MTSS2: variants seen among roughly 807,000 people sequenced by gnomAD.
The protein encoded by MTSS2 is MTSS I-BAR domain containing 2, also known as protein MTSS 2.
Under a neutral mutation model 67.1 loss-of-function variants are expected in MTSS2, and 27 were observed. The observed-to-expected ratio is 0.40, with a 90% CI of 0.30 to 0.55. MTSS2 has a LOEUF of 0.55. Among genes scored for constraint, MTSS2 ranks in the 20% least tolerant of loss-of-function variants. The pLI, the probability that MTSS2 is intolerant of heterozygous loss-of-function variation, is 0.43. For missense variants in MTSS2, 1,171 were observed against 1,067.8 expected (o/e 1.10, Z -1.35); for synonymous variants, 624 against 468.6 (o/e 1.33, Z -4.28).
At chr16:70,681,984 G>C (rs1370812945) in intron 1 of MTSS2, among the ~76,000 whole-genome samples, 1 of 152,212 alleles carries the variant, frequency 6.6e-6, no homozygotes, top group Non-Finnish European at 1.5e-5. Context: ...GGGCGATGGA[G>C]GCTGGGGCTC....
chr16:70,684,444 G>A (rs957602270), intron 1 of MTSS2, among the ~76,000 whole-genome samples: 2 of 152,124 alleles, frequency 1.3e-5, no homozygotes, highest in African/African-American at 4.8e-5. Context: ...GCCTCTTCCG[G>A]GGGCAGAGAT....
intron 9 of MTSS2, among the ~76,000 whole-genome samples, 161 bp downstream of exon 9, chr16:70,677,631 C>T (rs1470796523): frequency 1.3e-5 from 2 of 152,200 alleles, no homozygotes; most frequent in Admixed American, 1.3e-4. Flanking sequence ...TGGGCAGGTG[C>T]TCCGGGATGG....
Position 70,664,641 on chromosome 16 carries a change from C to T in MTSS2, c.1428G>A (p.Gln476=), listed in dbSNP as rs1264035004. 1 of 1,613,336 alleles carries T rather than the reference C, an allele frequency of 6.2e-7. No homozygotes were observed. The highest frequency in any genetic ancestry group is 8.5e-7 in the Non-Finnish European group (1 of 1,179,926). The stretch of plus-strand genomic sequence containing the variant: ...CCTCAGAGCAGGAGGGCGTGGTGGT[C>T]TGCGTGCTGTAGCCGCTGGAGTACT... The part of the protein sequence containing the change: ...SLQYSSGYST[Q]TTTPSCSEDT... Residue 476 remains glutamine (Q), a synonymous_variant, in exon 14 of 15, where the codon CAG becomes CAA. Transcript: ENST00000338779.
intron 4 of MTSS2, 22 bp downstream of exon 4, chr16:70,679,949 C>A: frequency 2.0e-6 from 3 of 1,480,680 alleles, no homozygotes; most frequent in Non-Finnish European, 2.7e-6. Flanking sequence ...CGCCCCCCTG[C>A]CCGCCCGCAG....
rs932194075 is a variant in MTSS2 at position 70,662,614 on chromosome 16, T to C, written c.*1063A>G. ...GAGAGAACAGTAGCTTCCACCGGGCTCTGGGGGAGCCAAGTCCCTCCCTTC... is the reference window on the plus strand; with the variant it reads ...GAGAGAACAGTAGCTTCCACCGGGCCCTGGGGGAGCCAAGTCCCTCCCTTC... On this transcript the variant is annotated 3_prime_UTR_variant, in exon 15 of 15. Coordinates refer to ENST00000338779, the MANE Select transcript of MTSS2 (RefSeq NM_138383.3). 6.6e-6 allele frequency: 1 copy of C among 152,548 alleles called. No individual in the cohort carries two copies. The highest frequency in any genetic ancestry group is 2.4e-5 in the African/African-American group (1 of 41,386). The allele number at this position is 152,548 out of a possible 1,614,324, so 9.4% of individuals were successfully genotyped here.
At chr16:70,665,757 AC>A in intron 11 of MTSS2, 1 of 471,060 alleles carries the variant, frequency 2.1e-6, no homozygotes, top group Middle Eastern at 5.7e-4. Context: ...ACGCTGACCC[AC>A]CTGACAGCCC....
At chr16:70,665,409 G>C in intron 12 of MTSS2, 57 bp downstream of exon 12, 10 of 1,494,254 alleles carry the variant, frequency 6.7e-6, no homozygotes, top group Non-Finnish European at 9.0e-6. Context: ...AGGTGGGGAG[G>C]GCATGGATGG....
intron 11 of MTSS2, among the ~76,000 whole-genome samples, chr16:70,667,592 G>T (rs552497172): frequency 6.6e-6 from 1 of 152,128 alleles, no homozygotes; most frequent in African/African-American, 2.4e-5. Flanking sequence ...TACAGAACAA[G>T]CTGGGCATGG....
chr16:70,679,743 T>G, intron 5 of MTSS2, 39 bp from the exon 6 acceptor site: 1 of 1,610,028 alleles, frequency 6.2e-7, no homozygotes, highest in South Asian at 1.1e-5. Flanking sequence ...ATGGGGTCCC[T>G]GCGGAGTGGG....
intron 14 of MTSS2, 32 bp from the exon 15 acceptor site, chr16:70,664,481 C>T (rs1425239974): frequency 6.5e-7 from 1 of 1,540,156 alleles, no homozygotes; most frequent in Non-Finnish European, 8.8e-7. Context: ...AGGCCCAGGG[C>T]CCAGGTGGCC....
chr16:70,672,555 G>C (rs1353372198), intron 11 of MTSS2, among the ~76,000 whole-genome samples: 2 of 151,078 alleles, frequency 1.3e-5, no homozygotes, highest in Non-Finnish European at 2.9e-5. Context: ...ACACTGGGGA[G>C]ATTCTGGGAA....
chr16:70,680,876 A>C lies in MTSS2; in HGVS notation c.132-9T>G. 7.4e-7 allele frequency: 1 copy of C among 1,342,750 alleles called. No homozygotes were observed. The highest frequency in any genetic ancestry group is 1.0e-6 in the Non-Finnish European group (1 of 1,000,124). 83.2% of individuals were successfully genotyped at this position (1,342,750 alleles called of 1,614,324 possible). ...CAGCCAGCACGGTGGTCCTGGGGAG[A>C]GGGACAACGGCATGGATGGTCGGTG... On this transcript the variant is annotated splice_polypyrimidine_tract_variant and intron_variant, in intron 2 of 14. Coordinates refer to ENST00000338779, the MANE Select transcript of MTSS2 (RefSeq NM_138383.3).
At chr16:70,669,946 G>T (rs2052869172) in intron 11 of MTSS2, among the ~76,000 whole-genome samples, 1 of 151,928 alleles carries the variant, frequency 6.6e-6, no homozygotes, top group African/African-American at 2.4e-5. Context: ...AAAATGCCAA[G>T]CGCTGGTGAG....
At chr16:70,680,186 T>C (rs2053258281) in intron 3 of MTSS2, 131 bp from the exon 4 acceptor site, 3 of 363,676 alleles carry the variant, frequency 8.2e-6, no homozygotes. Flanking sequence ...CGAGCCGCAG[T>C]CCCGCCGGCC....
intron 9 of MTSS2, 80 bp from the exon 10 acceptor site, chr16:70,677,058 A>C: frequency 9.3e-7 from 1 of 1,071,556 alleles, no homozygotes; most frequent in Non-Finnish European, 1.4e-6. Context: ...CCACTCTCTA[A>C]TTGTGAACCA....
chr16:70,666,355 G>A lies in MTSS2; in HGVS notation c.1054-815C>T, dbSNP rs112037605. On this transcript the variant is annotated intron_variant, in intron 11 of 14. Coordinates refer to ENST00000338779, the MANE Select transcript of MTSS2 (RefSeq NM_138383.3). ...AGGGACACACCTGCTCTGGGCAGTGGGCTGGACTAGGTGTTCTGCGAGGCC... is the reference window on the plus strand; with the variant it reads ...AGGGACACACCTGCTCTGGGCAGTGAGCTGGACTAGGTGTTCTGCGAGGCC... Among the ~76,000 whole-genome samples, 36 of 152,296 alleles carry A rather than the reference G, an allele frequency of 2.4e-4. 2 individuals are homozygous for A. Among genetic ancestry groups the A allele is most frequent in the African/African-American group, 7.7e-4 (32 of 41,546 alleles).
In MTSS2 at chr16:70,685,931, C is replaced by T. The variant is rs1403730841; in HGVS notation, c.-140G>A. 4.2e-6 allele frequency: 1 copy of T among 239,780 alleles called. No homozygotes were observed. Among genetic ancestry groups the T allele is most frequent in the African/African-American group, 2.4e-5 (1 of 41,474 alleles). 14.9% of individuals were successfully genotyped at this position (239,780 alleles called of 1,614,324 possible). On this transcript the variant is annotated 5_prime_UTR_variant, in exon 1 of 15. Coordinates refer to ENST00000338779, the MANE Select transcript of MTSS2 (RefSeq NM_138383.3). ...CCTCCAGGCTGCGCTCAGCGGCCGGCCGCGCCGCGCTCCGGGGTCGCGGGC... is the reference window on the plus strand; with the variant it reads ...CCTCCAGGCTGCGCTCAGCGGCCGGTCGCGCCGCGCTCCGGGGTCGCGGGC...
At chr16:70,676,551 G>C (rs1161144798) in intron 10 of MTSS2, among the ~76,000 whole-genome samples, 3 of 152,172 alleles carry the variant, frequency 2.0e-5, no homozygotes, top group Non-Finnish European at 2.9e-5. Context: ...CTGTAAAATG[G>C]AGATGACACC....
intron 6 of MTSS2, 119 bp from the exon 7 acceptor site, chr16:70,679,442 ATAGGGAGGTTC>A: frequency 3.0e-6 from 4 of 1,329,094 alleles, no homozygotes; most frequent in Non-Finnish European, 3.2e-6. Flanking sequence ...GCTGCCTCCC[ATAGGGAGGTTC>A]TGGACCAGGT....
Sources: gnomAD v4.1 joint callset for allele counts (sites outside exome capture counted in the v4.1 genomes callset) on GRCh38, gnomAD v4.1.1 for gene constraint, MANE v1.5 for transcripts, NCBI Gene and HGNC (gene_info 2026-07-23, HGNC 2026-07-21) for gene names.